Variants in MRPS22 observed in about 807,000 individuals in gnomAD.
MRPS22 encodes the protein small ribosomal subunit protein mS22.
In MRPS22, 30 loss-of-function variants were observed where a neutral mutation model predicts 44.0. The ratio of observed to expected loss-of-function variants is 0.68; its 90% CI spans 0.51 to 0.93. The LOEUF is 0.93. Ranked by LOEUF, MRPS22 falls within the 40% of genes least tolerant of loss-of-function variation. MRPS22 has a pLI of 0.00. For synonymous variants in MRPS22, 165 were observed against 154.4 expected, an observed-to-expected ratio of 1.07 and a Z score of -0.51; for missense variants, 447 against 447.8, an observed-to-expected ratio of 1.00 and a Z score of 0.02.
chr3:139,353,993 G>T (rs1055394762), intron 6 of MRPS22, among the ~76,000 whole-genome samples: 1 of 152,172 alleles, frequency 6.6e-6, no homozygotes, highest in Non-Finnish European at 1.5e-5. Context: ...TGATATTATA[G>T]TATTACTCAT....
chr3:139,346,882 A>G lies in MRPS22; in HGVS notation c.177A>G (p.Glu59=), dbSNP rs761878582. The change falls in exon 2 of 8, where the codon GAA becomes GAG. Residue 59 remains glutamate, a synonymous_variant. Coordinates refer to ENST00000680020, the MANE Select transcript of MRPS22 (RefSeq NM_020191.4). The part of the protein sequence containing the change: ...PRRRFSSEAA[E]SGSPETKKPT... ...ATTTACTAAAGTCCATTTTAGCAGA[A>G]TCTGGTAGCCCAGAGACCAAGAAAC... 6.2e-7 allele frequency: 1 copy of G among 1,614,134 alleles called. No homozygotes were observed. Among genetic ancestry groups the G allele is most frequent in the Non-Finnish European group, 8.5e-7 (1 of 1,179,978 alleles).
intron 6 of MRPS22, among the ~76,000 whole-genome samples, chr3:139,355,299 C>G (rs1462818507): frequency 6.6e-6 from 1 of 152,158 alleles, no homozygotes; most frequent in Non-Finnish European, 1.5e-5. Flanking sequence ...TGTTTCTGTC[C>G]TCTGAGTTGG....
intron 5 of MRPS22, chr3:139,352,258 C>A: frequency 4.5e-6 from 1 of 221,468 alleles, no homozygotes; most frequent in Middle Eastern, 1.9e-3. Flanking sequence ...GACTTGCTGT[C>A]ATTTAGACAA....
At chr3:139,348,048 A>G (rs1039562466) in intron 2 of MRPS22, 112 bp from the exon 3 acceptor site, 1 of 1,122,246 alleles carries the variant, frequency 8.9e-7, no homozygotes. Context: ...TTGTGGCTAC[A>G]CCTTCTTTTC....
At chr3:139,347,863 A>C (rs1257801171) in intron 2 of MRPS22, among the ~76,000 whole-genome samples, 1 of 152,204 alleles carries the variant, frequency 6.6e-6, no homozygotes, top group Non-Finnish European at 1.5e-5. Context: ...CATAGTAAGC[A>C]CCCCAAAACT....
rs1054854502 is a variant in MRPS22 at position 139,348,265 on chromosome 3, G to A, written c.445G>A (p.Glu149Lys). 55 of 1,613,958 alleles carry A rather than the reference G, an allele frequency of 3.4e-5. No homozygotes were observed. Among genetic ancestry groups the A allele is most frequent in the Non-Finnish European group, 4.4e-5 (52 of 1,179,994 alleles). Residue 149 changes from glutamate (E) to lysine (K), a missense_variant, in exon 3 of 8, where the codon GAA (glutamate) becomes AAA (lysine). Physicochemically the swap from Glu to Lys is moderately conservative, Grantham distance 56. Coordinates refer to ENST00000680020, the MANE Select transcript of MRPS22 (RefSeq NM_020191.4). The stretch of plus-strand genomic sequence containing the variant: ...TGTGTTAGCTGAAGATAAGATTTTG[G>A]AAGGAACAGAAACAACCAAATATGT... The part of the protein sequence containing the change: ...NDVLAEDKIL[E>K]GTETTKYVFT...
chr3:139,350,570 G>A (rs1214216066), intron 4 of MRPS22: 2 of 481,730 alleles, frequency 4.2e-6, no homozygotes, highest in East Asian at 8.2e-5. Flanking sequence ...TGGGATTACA[G>A]GCGCCCGCCA....
intron 1 of MRPS22, 119 bp downstream of exon 1, chr3:139,344,317 C>G (rs1940995216): frequency 4.5e-6 from 5 of 1,107,964 alleles, no homozygotes; most frequent in Non-Finnish European, 6.6e-6. Flanking sequence ...TCCTCAGATT[C>G]AGCTGTCTTC....
chr3:139,350,162 A>C lies in MRPS22; in HGVS notation c.505-17A>C. On this transcript the variant is annotated splice_polypyrimidine_tract_variant and intron_variant, in intron 3 of 7. Coordinates refer to ENST00000680020, the MANE Select transcript of MRPS22 (RefSeq NM_020191.4). The stretch of plus-strand genomic sequence containing the variant: ...CGTCCTCACAAACGCATCCTTGATT[A>C]TGTTTTTCTATTTTAGGAGCGTTTT... 1 of 1,613,980 alleles carries C rather than the reference A, an allele frequency of 6.2e-7. No homozygotes were observed. Among genetic ancestry groups the C allele is most frequent in the Non-Finnish European group, 8.5e-7 (1 of 1,179,920 alleles).
rs553332557 is a variant in MRPS22 at position 139,356,916 on chromosome 3, C to T, written c.988-3C>T. 1 of 1,607,044 alleles carries T rather than the reference C, an allele frequency of 6.2e-7. No individual in the cohort carries two copies. Among genetic ancestry groups the T allele is most frequent in the East Asian group, 2.2e-5 (1 of 44,778 alleles). On this transcript the variant is annotated splice_region_variant and splice_polypyrimidine_tract_variant and intron_variant, in intron 7 of 7. Transcript: ENST00000680020. ...TTTAAAATTTTCTTTTTAATTTAAACAGGTCTTTGCAAAAACAGAAGCACA... is the reference window on the plus strand; with the variant it reads ...TTTAAAATTTTCTTTTTAATTTAAATAGGTCTTTGCAAAAACAGAAGCACA...
chr3:139,344,331 CTG>C, intron 1 of MRPS22, 133 bp downstream of exon 1: 4 of 996,694 alleles, frequency 4.0e-6, no homozygotes, highest in Non-Finnish European at 6.1e-6. Flanking sequence ...TGTCTTCCTT[CTG>C]TACCTGTAGA....
chr3:139,351,128 C>T, intron 5 of MRPS22, 68 bp downstream of exon 5: 2 of 1,205,290 alleles, frequency 1.7e-6, no homozygotes, highest in Non-Finnish European at 2.5e-6. Flanking sequence ...TAATCTAGCT[C>T]AATGAATTTC....
intron 1 of MRPS22, 31 bp downstream of exon 1, chr3:139,344,229 G>C: frequency 6.4e-7 from 1 of 1,574,724 alleles, no homozygotes; most frequent in Admixed American, 1.8e-5. Flanking sequence ...TCGCTGGGGC[G>C]TTCTTCTGGG....
rs1941122203 is a variant in MRPS22 at position 139,350,337 on chromosome 3, G to T, written c.648+15G>T. The T allele has an allele frequency of 6.2e-7, 1 of 1,613,080 alleles. No individual in the cohort carries two copies. Among genetic ancestry groups the T allele is most frequent in the Non-Finnish European group, 8.5e-7 (1 of 1,179,706 alleles). On this transcript the variant is annotated intron_variant, in intron 4 of 7. Coordinates refer to ENST00000680020, the MANE Select transcript of MRPS22 (RefSeq NM_020191.4). The stretch of plus-strand genomic sequence containing the variant: ...AAAATCTTAGGGTAAGGTGACTTAG[G>T]TTTTATGTTTTAGAGCCAGTGGTGA...
intron 7 of MRPS22, 134 bp downstream of exon 7, chr3:139,355,924 T>C: frequency 5.4e-6 from 4 of 739,508 alleles, no homozygotes; most frequent in Non-Finnish European, 7.3e-6. Context: ...AACATCAGTA[T>C]GATTTGTCCC....
chr3:139,349,527 G>GTA (rs1212962050), intron 3 of MRPS22: 1 of 227,396 alleles, frequency 4.4e-6, no homozygotes, highest in East Asian at 1.4e-4. Context: ...CCCTTTTCCA[G>GTA]TTATATAACA....
intron 6 of MRPS22, among the ~76,000 whole-genome samples, chr3:139,354,401 G>A (rs1427018366): frequency 6.6e-6 from 1 of 152,188 alleles, no homozygotes; most frequent in African/African-American, 2.4e-5. Context: ...ACAGGTAGCA[G>A]TCCAGTTAAG....
chr3:139,346,331 T>G (rs565407196), intron 1 of MRPS22, among the ~76,000 whole-genome samples: 129 of 152,280 alleles, frequency 8.5e-4, no homozygotes, highest in African/African-American at 2.8e-3. Context: ...GTACCTCTCC[T>G]GTATACCATA....
At chr3:139,350,685 A>G (rs1377982037) in intron 4 of MRPS22, 11 of 433,788 alleles carry the variant, frequency 2.5e-5, no homozygotes, top group East Asian at 1.5e-4. Flanking sequence ...CCCCCCCGCA[A>G]TCCGACTCCC....
Sources: allele counts gnomAD v4.1 joint callset (sites outside exome capture counted in the v4.1 genomes callset), GRCh38; gene constraint gnomAD v4.1.1; transcripts MANE v1.5; gene names NCBI Gene and HGNC (gene_info 2026-07-23, HGNC 2026-07-21).